The following GUCY1A2 variants were observed in gnomAD, a reference collection of about 807,000 sequenced individuals.
GUCY1A2 encodes the protein guanylate cyclase soluble subunit alpha-2.
Under a neutral mutation model 63.5 loss-of-function variants are expected in GUCY1A2, and 27 were observed. The observed-to-expected ratio is 0.43, with a 90% CI of 0.31 to 0.59. GUCY1A2 has a LOEUF of 0.59. Ranked by LOEUF, GUCY1A2 falls within the 20% of genes least tolerant of loss-of-function variation. The pLI, the probability that GUCY1A2 is intolerant of heterozygous loss-of-function variation, is 0.11. For synonymous variants in GUCY1A2, 364 were observed against 343.5 expected (o/e 1.06, Z -0.66); for missense variants, 768 against 913.3 (o/e 0.84, Z 2.05).
chr11:106,977,868 A>T (rs1424962171), intron 3 of GUCY1A2, among the ~76,000 whole-genome samples: 1 of 152,180 alleles, frequency 6.6e-6, no homozygotes, highest in Non-Finnish European at 1.5e-5. Flanking sequence ...AAGAATTCCA[A>T]AAAGAACTTA....
chr11:106,709,484 ATT>A (rs1208153827), intron 6 of GUCY1A2, among the ~76,000 whole-genome samples: 4 of 56,008 alleles, frequency 7.1e-5, no homozygotes, highest in African/African-American at 1.2e-4. Flanking sequence ...ATTATTATAT[ATT>A]TATATATATA....
At chr11:106,865,653 G>A (rs1005298190) in intron 4 of GUCY1A2, among the ~76,000 whole-genome samples, 2 of 151,930 alleles carry the variant, frequency 1.3e-5, no homozygotes, top group Non-Finnish European at 2.9e-5. Context: ...CTGTCAGCGG[G>A]TGAGGGTGAT....
chr11:106,784,047 C>T (rs1027129488), intron 5 of GUCY1A2, among the ~76,000 whole-genome samples: 1 of 152,130 alleles, frequency 6.6e-6, no homozygotes, highest in Non-Finnish European at 1.5e-5. Flanking sequence ...ATCTCTGTCA[C>T]TTTATTTTCC....
chr11:106,923,224 A>C (rs1860473644), intron 4 of GUCY1A2, among the ~76,000 whole-genome samples: 1 of 152,222 alleles, frequency 6.6e-6, no homozygotes, highest in Non-Finnish European at 1.5e-5. Flanking sequence ...AATTGTATCG[A>C]ATATAATACC....
At chr11:106,979,233 A>G (rs1861302271) in intron 2 of GUCY1A2, among the ~76,000 whole-genome samples, 1 of 152,158 alleles carries the variant, frequency 6.6e-6, no homozygotes, top group Non-Finnish European at 1.5e-5. Context: ...AGGCGGGCAG[A>G]TCACGAGTTC....
chr11:106,820,545 C>T (rs890263634), intron 4 of GUCY1A2, among the ~76,000 whole-genome samples: 1 of 152,098 alleles, frequency 6.6e-6, no homozygotes, highest in Non-Finnish European at 1.5e-5. Flanking sequence ...ACTACAGGTA[C>T]ATGCCATCAT....
intron 4 of GUCY1A2, among the ~76,000 whole-genome samples, chr11:106,815,108 T>C (rs1858813649): frequency 6.6e-6 from 1 of 151,964 alleles, no homozygotes; most frequent in Admixed American, 6.6e-5. Context: ...AAATAACCAA[T>C]GTAAATTATA....
At chr11:106,819,166 G>A (rs991725710) in intron 4 of GUCY1A2, among the ~76,000 whole-genome samples, 2 of 152,162 alleles carry the variant, frequency 1.3e-5, no homozygotes, top group African/African-American at 4.8e-5. Flanking sequence ...TGAATGAGAA[G>A]TTACTTCTTA....
At chr11:106,982,850 A>G (rs960515014) in intron 2 of GUCY1A2, among the ~76,000 whole-genome samples, 14 of 152,188 alleles carry the variant, frequency 9.2e-5, no homozygotes, top group Admixed American at 9.2e-4. Flanking sequence ...CAGATCACAG[A>G]AAGAATTTAG....
chr11:106,827,143 A>T, intron 4 of GUCY1A2: 1 of 1,483,492 alleles, frequency 6.7e-7, no homozygotes, highest in Non-Finnish European at 9.4e-7. Flanking sequence ...CTTATGAGAA[A>T]ACTCTTTTGT....
At chr11:106,868,952 A>G (rs1436362975) in intron 4 of GUCY1A2, among the ~76,000 whole-genome samples, 3 of 152,154 alleles carry the variant, frequency 2.0e-5, no homozygotes, top group Non-Finnish European at 2.9e-5. Flanking sequence ...AAATAATACC[A>G]CACATCTACA....
chr11:106,943,266 A>AC (rs1481224537), intron 3 of GUCY1A2, among the ~76,000 whole-genome samples: 1 of 152,052 alleles, frequency 6.6e-6, no homozygotes, highest in Non-Finnish European at 1.5e-5. Context: ...ATTGACGCAA[A>AC]CCCCCTACTT....
intron 1 of GUCY1A2, among the ~76,000 whole-genome samples, chr11:107,015,296 C>A (rs1220269767): frequency 6.6e-6 from 1 of 152,018 alleles, no homozygotes; most frequent in Non-Finnish European, 1.5e-5. Flanking sequence ...TTTATTTGAT[C>A]ATCACAATTA....
chr11:106,744,299 T>C (rs1863749486), intron 6 of GUCY1A2, among the ~76,000 whole-genome samples: 1 of 143,782 alleles, frequency 7.0e-6, no homozygotes, highest in Middle Eastern at 3.6e-3. Context: ...CAGGCTGGAG[T>C]GCAGTGGTGC....
intron 4 of GUCY1A2, among the ~76,000 whole-genome samples, chr11:106,863,356 T>C (rs1859541456): frequency 6.6e-6 from 1 of 152,164 alleles, no homozygotes; most frequent in Non-Finnish European, 1.5e-5. Flanking sequence ...TTTCTGCATA[T>C]AACTAGCCAG....
intron 6 of GUCY1A2, among the ~76,000 whole-genome samples, chr11:106,731,151 C>G (rs1863496565): frequency 1.3e-5 from 2 of 151,950 alleles, no homozygotes; most frequent in South Asian, 4.1e-4. Context: ...TGGCATCTTC[C>G]TCATAAAATC....
chr11:106,697,769 G>A (rs564071326), intron 7 of GUCY1A2, among the ~76,000 whole-genome samples: 1 of 152,180 alleles, frequency 6.6e-6, no homozygotes, highest in East Asian at 1.9e-4. Flanking sequence ...CCAATTTCAA[G>A]GCACAGTATT....
intron 4 of GUCY1A2, among the ~76,000 whole-genome samples, chr11:106,821,104 A>C (rs1443389411): frequency 6.6e-6 from 1 of 152,188 alleles, no homozygotes; most frequent in Non-Finnish European, 1.5e-5. Flanking sequence ...TTTTCTTTTT[A>C]AATCACAGCA....
At chr11:106,781,465 C>T (rs1450178869) in intron 5 of GUCY1A2, among the ~76,000 whole-genome samples, 2 of 152,174 alleles carry the variant, frequency 1.3e-5, no homozygotes, top group Non-Finnish European at 2.9e-5. Context: ...ATTTGCCTAT[C>T]TCAGTTTATC....
Sources: allele counts gnomAD v4.1 joint callset (sites outside exome capture counted in the v4.1 genomes callset), GRCh38; gene constraint gnomAD v4.1.1; transcripts MANE v1.5; gene names NCBI Gene and HGNC (gene_info 2026-07-23, HGNC 2026-07-21).